The following PPP1R16B variants were observed in gnomAD, a reference collection of about 807,000 sequenced individuals.
The protein encoded by PPP1R16B is protein phosphatase 1 regulatory subunit 16B.
In PPP1R16B, 14 loss-of-function variants were observed where a neutral mutation model predicts 61.7. The observed-to-expected ratio is 0.23, with a 90% CI of 0.15 to 0.35. The LOEUF (loss-of-function observed/expected upper bound fraction) is 0.35, where lower values mean the gene tolerates loss of function less well. Among genes scored for constraint, PPP1R16B ranks in the 10% least tolerant of loss-of-function variants. PPP1R16B has a pLI of 1.00. For synonymous variants in PPP1R16B, 266 were observed against 305.3 expected, an observed-to-expected ratio of 0.87 and a Z score of 1.34; for missense variants, 547 against 752.5, an observed-to-expected ratio of 0.73 and a Z score of 3.19.
chr20:38,861,837 C>A (rs138400203), intron 2 of PPP1R16B, among the ~76,000 whole-genome samples: 2 of 151,644 alleles, frequency 1.3e-5, no homozygotes, highest in African/African-American at 4.9e-5. Context: ...CCACCGTGCC[C>A]GGCTAATTTT....
chr20:38,869,623 G>C (rs934923233), intron 2 of PPP1R16B, among the ~76,000 whole-genome samples: 1 of 152,156 alleles, frequency 6.6e-6, no homozygotes, highest in South Asian at 2.1e-4. Flanking sequence ...TGGGTGTGAA[G>C]TATATTGTTA....
At chr20:38,870,185 G>A (rs1020843344) in intron 2 of PPP1R16B, among the ~76,000 whole-genome samples, 7 of 152,006 alleles carry the variant, frequency 4.6e-5, no homozygotes, top group African/African-American at 1.5e-4. Context: ...TGATCCACCC[G>A]CCTTGGCCTC....
At chr20:38,910,386 C>A (rs765491763) in intron 10 of PPP1R16B, among the ~76,000 whole-genome samples, 9 of 152,186 alleles carry the variant, frequency 5.9e-5, no homozygotes, top group Non-Finnish European at 1.0e-4. Context: ...TCCGTCCTTT[C>A]CCCCACTCCA....
chr20:38,885,055 A>AG (rs1480891354), intron 2 of PPP1R16B, among the ~76,000 whole-genome samples: 1 of 149,640 alleles, frequency 6.7e-6, no homozygotes, highest in Non-Finnish European at 1.5e-5. Context: ...AAAAAAAAAA[A>AG]AAAAGAAGAA....
intron 3 of PPP1R16B, among the ~76,000 whole-genome samples, chr20:38,894,031 A>G (rs1382163100): frequency 1.3e-5 from 2 of 152,070 alleles, no homozygotes; most frequent in Non-Finnish European, 2.9e-5. Flanking sequence ...GCCCGTCTGA[A>G]GCAGCACCCA....
intron 2 of PPP1R16B, among the ~76,000 whole-genome samples, chr20:38,850,892 C>T (rs981618244): frequency 8.0e-5 from 12 of 149,710 alleles, no homozygotes; most frequent in African/African-American, 3.0e-4. Flanking sequence ...TGCTTGAACA[C>T]GGGAGGTGGA....
chr20:38,890,271 CA>C (rs914830689), intron 3 of PPP1R16B, among the ~76,000 whole-genome samples: 14 of 152,202 alleles, frequency 9.2e-5, no homozygotes, highest in Admixed American at 9.2e-4. Flanking sequence ...ATGCTTAAGC[CA>C]AAAATCTCTT....
chr20:38,827,375 T>C (rs1014034784), intron 1 of PPP1R16B, among the ~76,000 whole-genome samples: 11 of 152,252 alleles, frequency 7.2e-5, no homozygotes, highest in African/African-American at 2.7e-4. Context: ...TCAAGATGCA[T>C]GAGTTGTTTC....
intron 1 of PPP1R16B, among the ~76,000 whole-genome samples, chr20:38,826,642 G>T (rs896550430): frequency 6.6e-6 from 1 of 152,228 alleles, no homozygotes; most frequent in Non-Finnish European, 1.5e-5. Flanking sequence ...CTTAAAATGG[G>T]CCTTGCAAGT....
intron 1 of PPP1R16B, among the ~76,000 whole-genome samples, chr20:38,814,649 T>G (rs2084723907): frequency 6.6e-6 from 1 of 152,160 alleles, no homozygotes; most frequent in Non-Finnish European, 1.5e-5. Context: ...AAGCACTGTG[T>G]CATTATGTCC....
At chr20:38,878,076 T>C (rs549240151) in intron 2 of PPP1R16B, among the ~76,000 whole-genome samples, 2 of 151,710 alleles carry the variant, frequency 1.3e-5, no homozygotes, top group South Asian at 4.2e-4. Flanking sequence ...TCGTGATTTG[T>C]GGCATTTATT....
rs2084865362 is a variant in PPP1R16B, at chr20:38,835,811, C to T, written c.-101-14C>T. 2.4e-6 allele frequency: 3 copies of T among 1,254,760 alleles called. No individual in the cohort carries two copies. The highest frequency in any genetic ancestry group is 3.2e-6 in the Non-Finnish European group (3 of 934,870). 77.7% of individuals were successfully genotyped at this position (1,254,760 alleles called of 1,614,324 possible). Reference sequence around the variant, plus strand: ...TGACACATGTGTTCATCTGTGTCTCCCTCCCTGCCACAGGCCACACCATGA... The same window carrying T: ...TGACACATGTGTTCATCTGTGTCTCTCTCCCTGCCACAGGCCACACCATGA... On this transcript the variant is annotated splice_polypyrimidine_tract_variant and intron_variant, in intron 1 of 10. Transcript: ENST00000299824.
At chr20:38,878,416 C>T (rs1326675525) in intron 2 of PPP1R16B, among the ~76,000 whole-genome samples, 1 of 152,130 alleles carries the variant, frequency 6.6e-6, no homozygotes, top group African/African-American at 2.4e-5. Flanking sequence ...GAAGGAACTT[C>T]CCCCTTCATA....
chr20:38,879,682 G>A (rs1380449678), intron 2 of PPP1R16B, among the ~76,000 whole-genome samples: 2 of 152,228 alleles, frequency 1.3e-5, no homozygotes, highest in Non-Finnish European at 2.9e-5. Context: ...TAAAGGGTGT[G>A]CTGTCACTTT....
At chr20:38,917,458 G>C (rs975485089) in intron 10 of PPP1R16B, among the ~76,000 whole-genome samples, 4 of 152,086 alleles carry the variant, frequency 2.6e-5, no homozygotes, top group Non-Finnish European at 5.9e-5. Context: ...GTTGTTGCAT[G>C]TATCTATTTT....
At chr20:38,820,904 G>C (rs953532190) in intron 1 of PPP1R16B, among the ~76,000 whole-genome samples, 4 of 151,682 alleles carry the variant, frequency 2.6e-5, no homozygotes, top group African/African-American at 9.7e-5. Context: ...AGCTAGGCAT[G>C]GTGGCAGGCG....
chr20:38,880,202 A>G (rs144142171), intron 2 of PPP1R16B, among the ~76,000 whole-genome samples: 235 of 152,176 alleles, frequency 1.5e-3, no homozygotes, highest in African/African-American at 5.4e-3. Context: ...AAATCCATAC[A>G]TAACTATAAA....
intron 2 of PPP1R16B, among the ~76,000 whole-genome samples, chr20:38,889,250 T>C (rs980340132): frequency 2.6e-5 from 4 of 152,166 alleles, no homozygotes; most frequent in Non-Finnish European, 4.4e-5. Flanking sequence ...TTGACCAAGG[T>C]TGCACAGCCA....
At chr20:38,819,013 C>T (rs1458088746) in intron 1 of PPP1R16B, among the ~76,000 whole-genome samples, 6 of 152,086 alleles carry the variant, frequency 3.9e-5, no homozygotes, top group African/African-American at 1.4e-4. Context: ...TGGGCTCAAG[C>T]CATCCTTCCA....
Sources: allele counts gnomAD v4.1 joint callset (sites outside exome capture counted in the v4.1 genomes callset), GRCh38; gene constraint gnomAD v4.1.1; transcripts MANE v1.5; gene names NCBI Gene and HGNC (gene_info 2026-07-23, HGNC 2026-07-21).